The following CLEC16A variants were observed in gnomAD, a reference collection of about 807,000 sequenced individuals.
CLEC16A encodes the protein protein CLEC16A.
In CLEC16A, 51 loss-of-function variants were observed where a neutral mutation model predicts 109.5. That is an observed-to-expected ratio of 0.47 (90% CI 0.37 to 0.59). CLEC16A has a LOEUF of 0.59. Among genes scored for constraint, CLEC16A ranks in the 20% least tolerant of loss-of-function variants. The probability of loss-of-function intolerance (pLI) is 0.00; values close to 1 mark genes in which losing one functional copy is unlikely to be tolerated. For missense variants in CLEC16A, 1,339 were observed against 1,394.0 expected (o/e 0.96, Z 0.63); for synonymous variants, 673 against 564.2 (o/e 1.19, Z -2.73).
chr16:11,154,740 C>T (rs2054439581), intron 22 of CLEC16A, among the ~76,000 whole-genome samples: 1 of 152,076 alleles, frequency 6.6e-6, no homozygotes, highest in East Asian at 1.9e-4. Flanking sequence ...GCCTGACCAA[C>T]ATGGTGAAAC....
At chr16:11,081,594 G>A (rs2049721564) in intron 19 of CLEC16A, among the ~76,000 whole-genome samples, 1 of 152,016 alleles carries the variant, frequency 6.6e-6, no homozygotes, top group South Asian at 2.1e-4. Context: ...CTAGTCACAA[G>A]GTACCCACTC....
chr16:11,069,023 G>C (rs1243393517), intron 19 of CLEC16A, among the ~76,000 whole-genome samples: 3 of 150,932 alleles, frequency 2.0e-5, no homozygotes, highest in Non-Finnish European at 4.4e-5. Context: ...AGTAGACATG[G>C]GGTTACACCA....
rs376991238 is a variant in CLEC16A, at chr16:11,167,971, G to A, written c.2806+1419G>A. Among the ~76,000 whole-genome samples the A allele has an allele frequency of 2.0e-5, 3 of 152,136 alleles. 1 individual carries two copies. Among genetic ancestry groups the A allele is most frequent in the East Asian group, 3.8e-4 (2 of 5,198 alleles). On this transcript the variant is annotated intron_variant, in intron 23 of 23. Transcript: ENST00000409790. ...GGGTTGTGTGTTCATGCACCCCAAC[G>A]CACATATTTACCGTTGCACTGGGGA...
chr16:11,089,550 A>G (rs942788105), intron 19 of CLEC16A, among the ~76,000 whole-genome samples: 3 of 152,140 alleles, frequency 2.0e-5, no homozygotes, highest in African/African-American at 4.8e-5. Flanking sequence ...CCTCCTGCCA[A>G]CAGCGCAGGG....
chr16:11,047,997 C>T (rs1182296737), intron 17 of CLEC16A: 1 of 152,270 alleles, frequency 6.6e-6, no homozygotes, highest in Non-Finnish European at 1.5e-5. Context: ...GTTACCGGCA[C>T]ATGGTTCTGC....
rs201512152 is a variant in CLEC16A at position 11,178,645 on chromosome 16, C to T, written c.3117C>T (p.Gly1039=). ...TPAAACTEPV[G]EEAACAEPVG... ...CTGCCGCCTGCACAGAGCCCGTGGG[C>T]GAAGAGGCTGCATGTGCTGAGCCTG... is the stretch of plus-strand genomic sequence containing the variant. Residue 1039 remains glycine (G), a synonymous_variant, in exon 24 of 24, where the codon GGC becomes GGT. Coordinates refer to ENST00000409790, the MANE Select transcript of CLEC16A (RefSeq NM_015226.3). This position sits in a 1 kb window ranked among gnomAD's most constrained non-coding sequence, Gnocchi z 6.5. 480 of 1,573,064 alleles carry T rather than the reference C, an allele frequency of 3.1e-4. 3 individuals are homozygous for T. In the South Asian group the frequency reaches 4.5e-3, roughly 15 times the overall value.
chr16:11,057,450 G>T (rs1188773922), intron 18 of CLEC16A, among the ~76,000 whole-genome samples: 1 of 152,230 alleles, frequency 6.6e-6, no homozygotes, highest in Non-Finnish European at 1.5e-5. Context: ...CCAAGCCCCA[G>T]CTTGAGCCAC....
At position 10,961,283 on chromosome 16, in the gene CLEC16A, G is replaced by T. The variant is rs2042238248; in HGVS notation, c.210-1172G>T. 1.3e-5 allele frequency among the ~76,000 whole-genome samples: 2 copies of T among 152,076 alleles called. No individual in the cohort carries two copies. ...AGAAGATTGTAAGGGTCTTTTTTAG[G>T]CCATTTAAATTTTTTCATTTATCCG... On this transcript the variant is annotated intron_variant, in intron 2 of 23. Coordinates refer to ENST00000409790, the MANE Select transcript of CLEC16A (RefSeq NM_015226.3). This position sits in a 1 kb window ranked among gnomAD's most constrained non-coding sequence, Gnocchi z 4.3.
At chr16:11,049,296 G>A (rs564902420) in intron 17 of CLEC16A, among the ~76,000 whole-genome samples, 77 of 152,096 alleles carry the variant, frequency 5.1e-4, no homozygotes, top group Non-Finnish European at 9.9e-4. Flanking sequence ...GTGAGCCACC[G>A]CACCTGGCAA....
intron 20 of CLEC16A, among the ~76,000 whole-genome samples, chr16:11,122,861 TC>T (rs1199990262): frequency 6.6e-6 from 1 of 151,346 alleles, no homozygotes; most frequent in Non-Finnish European, 1.5e-5. Flanking sequence ...ACAGTTTCCT[TC>T]AAATCTCTGC....
chr16:11,124,858 G>C (rs536681142), intron 21 of CLEC16A, among the ~76,000 whole-genome samples: 76 of 152,278 alleles, frequency 5.0e-4, no homozygotes, highest in African/African-American at 1.7e-3. Flanking sequence ...AGGCCAAGGC[G>C]GGTAACTCAC....
intron 19 of CLEC16A, among the ~76,000 whole-genome samples, chr16:11,106,771 T>C (rs538717838): frequency 6.6e-6 from 1 of 152,274 alleles, no homozygotes; most frequent in South Asian, 2.1e-4. Flanking sequence ...CCAGCTTGCA[T>C]ATCATGAAGT....
At chr16:11,099,515 C>T (rs2050788120) in intron 19 of CLEC16A, among the ~76,000 whole-genome samples, 1 of 152,210 alleles carries the variant, frequency 6.6e-6, no homozygotes, top group South Asian at 2.1e-4. Context: ...TACTAGACAG[C>T]ATGGTCGTAG....
At position 10,991,423 on chromosome 16, in the gene CLEC16A, C is replaced by CAAAAAAA. The variant is rs756161193; in HGVS notation, c.1071+8450_1071+8456dup. 1.9e-3 allele frequency among the ~76,000 whole-genome samples: 119 copies of CAAAAAAA among 63,352 alleles called. 3 individuals carry two copies. Among genetic ancestry groups the CAAAAAAA allele is most frequent in the South Asian group, 5.4e-3 (9 of 1,676 alleles). The allele number at this position is 63,352 out of a possible 152,430, so 41.6% of individuals were successfully genotyped here. On this transcript the variant is annotated intron_variant, in intron 10 of 23. Coordinates refer to ENST00000409790, the MANE Select transcript of CLEC16A (RefSeq NM_015226.3). ...TGGGCGACAGAGCAAGACTCCGTCT[C>CAAAAAAA]AAAAAAAAAAAAAAAAAAAAAAAAG...
intron 19 of CLEC16A, among the ~76,000 whole-genome samples, chr16:11,079,624 T>A (rs1727564820): frequency 6.6e-6 from 1 of 152,226 alleles, no homozygotes; most frequent in Admixed American, 6.5e-5. Flanking sequence ...ACCTATACCC[T>A]GGCCTTTGAA....
chr16:10,984,573 A>G (rs1354289997), intron 10 of CLEC16A, among the ~76,000 whole-genome samples: 1 of 152,194 alleles, frequency 6.6e-6, no homozygotes, highest in East Asian at 1.9e-4. Flanking sequence ...TCTAAAGGGA[A>G]GAAGTGTTTG....
intron 10 of CLEC16A, among the ~76,000 whole-genome samples, chr16:10,993,913 G>A (rs1596947278): frequency 1.3e-5 from 2 of 152,338 alleles, no homozygotes; most frequent in Admixed American, 1.3e-4. Flanking sequence ...GACCTGGGAT[G>A]GGGAAGGCAA....
At chr16:11,045,933 C>G (rs2047612489) in intron 16 of CLEC16A, among the ~76,000 whole-genome samples, 1 of 152,162 alleles carries the variant, frequency 6.6e-6, no homozygotes, top group African/African-American at 2.4e-5. Context: ...TGACCCCATC[C>G]AGCTGCAGCA....
intron 19 of CLEC16A, among the ~76,000 whole-genome samples, chr16:11,069,268 C>T (rs991927305): frequency 3.3e-5 from 5 of 152,020 alleles, no homozygotes; most frequent in Admixed American, 1.3e-4. Flanking sequence ...ACTGGGACTA[C>T]AGGCATGCAC....
Sources: allele counts gnomAD v4.1 joint callset (sites outside exome capture counted in the v4.1 genomes callset), GRCh38; gene constraint gnomAD v4.1.1; non-coding constraint Gnocchi (gnomAD v3.1); transcripts MANE v1.5; gene names NCBI Gene and HGNC (gene_info 2026-07-23, HGNC 2026-07-21).